TAP2: variants seen among roughly 807,000 people sequenced by gnomAD.
TAP2 encodes the protein transporter 2, ATP binding cassette subfamily B member.
A neutral mutation model predicts 74.7 loss-of-function variants in TAP2; 49 were observed. The ratio of observed to expected loss-of-function variants is 0.66; its 90% CI spans 0.52 to 0.83. The LOEUF (loss-of-function observed/expected upper bound fraction) is 0.83, where lower values mean the gene tolerates loss of function less well. Ranked by LOEUF, TAP2 falls within the 40% of genes least tolerant of loss-of-function variation. The pLI is 0.00. For synonymous variants in TAP2, 306 were observed against 368.4 expected (o/e 0.83, Z 1.94); for missense variants, 739 against 859.0 (o/e 0.86, Z 1.75).
chr6:32,824,107 A>C (rs1768486055), downstream of TAP2, among the ~76,000 whole-genome samples: 1 of 152,090 alleles, frequency 6.6e-6, no homozygotes, highest in African/African-American at 2.4e-5. Flanking sequence ...ATCCTTATTC[A>C]TTTTTCCACT....
chr6:32,834,415 C>T (rs1183668353), intron 5 of TAP2, among the ~76,000 whole-genome samples: 7 of 152,200 alleles, frequency 4.6e-5, no homozygotes, highest in Admixed American at 4.6e-4. Context: ...GTTCCACTTA[C>T]GTACCGCACC....
chr6:32,826,089 G>A lies in TAP2; in HGVS notation c.*2817C>T, dbSNP rs1053707924. On this transcript the variant is annotated 3_prime_UTR_variant, in exon 12 of 12. Transcript: ENST00000374897. ...TCAGACTCAAGCAGGTGCTCCTCTA[G>A]CTGACAGCTCTAAAACACAAGGAAG... 5 of 985,286 alleles carry A rather than the reference G, an allele frequency of 5.1e-6. No homozygotes were observed. The highest frequency in any genetic ancestry group is 6.0e-6 in the Non-Finnish European group (5 of 829,934). 61.0% of individuals were successfully genotyped at this position (985,286 alleles called of 1,614,324 possible).
chr6:32,836,534 A>T (rs1769431166), intron 3 of TAP2, among the ~76,000 whole-genome samples: 1 of 152,230 alleles, frequency 6.6e-6, no homozygotes, highest in Non-Finnish European at 1.5e-5. Context: ...TTGTATGAAC[A>T]TCATAGAGTG....
In TAP2 at chr6:32,835,288, GCA is replaced by G; in HGVS notation, c.809_810del (p.Val270AlafsTer81). On this transcript the variant is annotated frameshift_variant, in exon 5 of 12. Coordinates refer to ENST00000374897, the MANE Select transcript of TAP2 (RefSeq NM_001290043.2). LOFTEE classifies it high-confidence loss of function. The surrounding 1 kb of genome is among the most constrained non-coding windows in gnomAD (Gnocchi z 4.0). ...ACCACTTTCACCAGGCTTCGCAAGA[GCA>G]CATTGGCATTTAAAGGAAGCCAGTT... ...MSNWLPLNAN[V>X]LLRSLVKVVG... 6.2e-7 allele frequency: 1 copy of G among 1,613,100 alleles called. No individual in the cohort carries two copies. Among genetic ancestry groups the G allele is most frequent in the South Asian group, 1.1e-5 (1 of 91,086 alleles).
At position 32,827,561 on chromosome 6, in the gene TAP2, TCCTGGAAGAC is replaced by T. The variant is rs1215364122; in HGVS notation, c.*1335_*1344del. The T allele has an allele frequency of 2.9e-6, 1 of 346,060 alleles. No homozygotes were observed. Among genetic ancestry groups the T allele is most frequent in the Non-Finnish European group, 4.1e-6 (1 of 246,262 alleles). 21.4% of individuals were successfully genotyped at this position (346,060 alleles called of 1,614,324 possible). A position where few individuals can be genotyped will look rare whatever the true frequency, so the allele number is the denominator to read the frequency against. On this transcript the variant is annotated 3_prime_UTR_variant, in exon 12 of 12. Coordinates refer to ENST00000374897, the MANE Select transcript of TAP2 (RefSeq NM_001290043.2). ...CCAGACTGACGACATAAGTAAGGCC[TCCTGGAAGAC>T]CTGAACCCTGAGTTAAGTCTTGAAC...
Position 32,828,681 on chromosome 6 carries a change from A to ACCCCCCCCC in TAP2, c.*224_*225insGGGGGGGGG. 1 of 606,168 alleles carries ACCCCCCCCC rather than the reference A, an allele frequency of 1.6e-6. No individual in the cohort carries two copies. Among genetic ancestry groups the ACCCCCCCCC allele is most frequent in the Non-Finnish European group, 2.0e-6 (1 of 497,974 alleles). The allele number at this position is 606,168 out of a possible 1,614,324, so 37.5% of individuals were successfully genotyped here. ...AGTTTCCTGGACACAGACAGCCCCC[A>ACCCCCCCCC]CCCCACCCCACCCCACCTCTCTACC... is the stretch of plus-strand genomic sequence containing the variant. On this transcript the variant is annotated 3_prime_UTR_variant, in exon 12 of 12. Coordinates refer to ENST00000374897, the MANE Select transcript of TAP2 (RefSeq NM_001290043.2).
chr6:32,829,920 T>TAGA lies in TAP2; in HGVS notation c.1795+7_1795+9dup. ...ACTGAAGGAGCAAGCTTACAATTTG[T>TAGA]AGAAGATACCTGTGTATATTCCATG... On this transcript the variant is annotated intron_variant, in intron 10 of 11. Transcript: ENST00000374897. 1 of 1,613,068 alleles carries TAGA rather than the reference T, an allele frequency of 6.2e-7. No homozygotes were observed. Among genetic ancestry groups the TAGA allele is most frequent in the Non-Finnish European group, 8.5e-7 (1 of 1,180,002 alleles).
At chr6:32,831,193 A>G (rs565145207) in intron 7 of TAP2, among the ~76,000 whole-genome samples, 3 of 152,344 alleles carry the variant, frequency 2.0e-5, no homozygotes, top group South Asian at 4.1e-4. Flanking sequence ...TACACAAAAA[A>G]GATGTTTATC....
In TAP2 at chr6:32,827,434, T is replaced by C. The variant is rs545371690; in HGVS notation, c.*1472A>G. ...ATATGGCTTTCCGCCCAGGTGCTCA[T>C]GGTCTAGTGGAAGGTCAAAAAAGGT... On this transcript the variant is annotated 3_prime_UTR_variant, in exon 12 of 12. Transcript: ENST00000374897. The C allele has an allele frequency of 2.8e-5, 21 of 760,780 alleles. No individual in the cohort carries two copies. In the South Asian group the frequency reaches 1.1e-3, roughly 39 times the overall value. 47.1% of individuals were successfully genotyped at this position (760,780 alleles called of 1,614,324 possible). A position where few individuals can be genotyped will look rare whatever the true frequency, so the allele number is the denominator to read the frequency against.
At chr6:32,829,562 C>T in intron 10 of TAP2, 26 bp from the exon 11 acceptor site, 1 of 1,613,868 alleles carries the variant, frequency 6.2e-7, no homozygotes, top group Non-Finnish European at 8.5e-7. Context: ...AAATTCCCTT[C>T]CTCAGATACA....
Position 32,832,992 on chromosome 6 carries a change from G to A in TAP2, c.946-168C>T, listed in dbSNP as rs540540768. ...AAGGAATAAGAGTGAAGGAGCAAGG[G>A]AACAAAATATTATTGAGCTCTCAGT... On this transcript the variant is annotated intron_variant, in intron 5 of 11. Transcript: ENST00000374897. The surrounding 1 kb of genome is among the most constrained non-coding windows in gnomAD (Gnocchi z 5.9). 9.9e-5 allele frequency among the ~76,000 whole-genome samples: 15 copies of A among 152,194 alleles called. No homozygotes were observed. The highest frequency in any genetic ancestry group is 1.8e-4 in the Non-Finnish European group (12 of 68,036).
chr6:32,837,207 G>A (rs1284054216), intron 3 of TAP2, among the ~76,000 whole-genome samples: 1 of 152,156 alleles, frequency 6.6e-6, no homozygotes, highest in Non-Finnish European at 1.5e-5. Context: ...GTAGGAGGTA[G>A]GAGGCAGAAA....
Position 32,835,481 on chromosome 6 carries a change from A to C in TAP2, c.740-122T>G. 7.0e-7 allele frequency: 1 copy of C among 1,434,190 alleles called. No individual in the cohort carries two copies. Among genetic ancestry groups the C allele is most frequent in the Non-Finnish European group, 9.7e-7 (1 of 1,032,922 alleles). The allele number at this position is 1,434,190 out of a possible 1,614,324, so 88.8% of individuals were successfully genotyped here. A position where few individuals can be genotyped will look rare whatever the true frequency, so the allele number is the denominator to read the frequency against. On this transcript the variant is annotated intron_variant, in intron 4 of 11. Coordinates refer to ENST00000374897, the MANE Select transcript of TAP2 (RefSeq NM_001290043.2). This position sits in a 1 kb window ranked among gnomAD's most constrained non-coding sequence, Gnocchi z 4.0. ...CCTCTGAACATCCTCCTTCACTTGC[A>C]GAGGGACAGTGGAGGCTGCTTCTCC...
At position 32,837,868 on chromosome 6, in the gene TAP2, A is replaced by T; in HGVS notation, c.366T>A (p.Pro122=). 1 of 1,612,578 alleles carries T rather than the reference A, an allele frequency of 6.2e-7. No homozygotes were observed. Among genetic ancestry groups the T allele is most frequent in the Non-Finnish European group, 8.5e-7 (1 of 1,179,802 alleles). ...GGTCCTGCTCCTTCTCCTGGGCTCC[A>T]GGAGGGCTCAGAACAGCCCACAGTG... ...SWSLWAVLSP[P]GAQEKEQDQV... The change falls in exon 2 of 12, where the codon CCT becomes CCA. Residue 122 remains proline (P), a synonymous_variant. Transcript: ENST00000374897.
chr6:32,822,352 T>C (rs2127338500), downstream of TAP2: 1 of 1,352,384 alleles, frequency 7.4e-7, no homozygotes, highest in East Asian at 2.5e-5. Flanking sequence ...CCCCTTGATC[T>C]TAATGGGTGT....
In TAP2 at chr6:32,826,716, G is replaced by A. The variant is rs952994257; in HGVS notation, c.*2190C>T. The A allele has an allele frequency of 5.1e-6, 5 of 985,272 alleles. No homozygotes were observed. The highest frequency in any genetic ancestry group is 1.7e-5 in the African/African-American group (1 of 57,208). The allele number at this position is 985,272 out of a possible 1,614,324, so 61.0% of individuals were successfully genotyped here. A position where few individuals can be genotyped will look rare whatever the true frequency, so the allele number is the denominator to read the frequency against. ...ACCCAGCTTTATCATGATTAGCTGC[G>A]TGATTTCATGTCAGTTTCTCTGTAA... is the stretch of plus-strand genomic sequence containing the variant. On this transcript the variant is annotated 3_prime_UTR_variant, in exon 12 of 12. Coordinates refer to ENST00000374897, the MANE Select transcript of TAP2 (RefSeq NM_001290043.2).
At position 32,832,155 on chromosome 6, in the gene TAP2, G is replaced by C; in HGVS notation, c.1272+178C>G. 1 of 835,662 alleles carries C rather than the reference G, an allele frequency of 1.2e-6. No individual in the cohort carries two copies. The highest frequency in any genetic ancestry group is 1.9e-6 in the Non-Finnish European group (1 of 534,640). The allele number at this position is 835,662 out of a possible 1,614,324, so 51.8% of individuals were successfully genotyped here. On this transcript the variant is annotated intron_variant, in intron 7 of 11. Transcript: ENST00000374897. This position sits in a 1 kb window ranked among gnomAD's most constrained non-coding sequence, Gnocchi z 5.9. ...TAAAGCACAGGATGTATACATGTGAGTTTGTAATATTATTTTGTCTCATTT... is the reference window on the plus strand; with the variant it reads ...TAAAGCACAGGATGTATACATGTGACTTTGTAATATTATTTTGTCTCATTT...
At position 32,832,467 on chromosome 6, in the gene TAP2, A is replaced by T. The variant is rs9461814; in HGVS notation, c.1144-6T>A. 3.4e-3 allele frequency: 5,545 copies of T among 1,612,324 alleles called. 63 individuals carry two copies. Among genetic ancestry groups the T allele is most frequent in the African/African-American group, 0.029 (2,155 of 75,022 alleles). The stretch of plus-strand genomic sequence containing the variant: ...TGCACCCCCAAGTGCAGCACCTGGA[A>T]GAGGAGAAGAAAGAGATGAGGCTGG... On this transcript the variant is annotated splice_polypyrimidine_tract_variant and splice_region_variant and intron_variant, in intron 6 of 11. Transcript: ENST00000374897. This position sits in a 1 kb window ranked among gnomAD's most constrained non-coding sequence, Gnocchi z 5.9.
At position 32,837,980 on chromosome 6, in the gene TAP2, C is replaced by T. The variant is rs757477776; in HGVS notation, c.254G>A (p.Gly85Glu). 8.7e-6 allele frequency: 14 copies of T among 1,612,634 alleles called. No homozygotes were observed. In the East Asian group the frequency reaches 2.9e-4, roughly 33 times the overall value. ...TCTGGCTGGGGGAGCACGTGAGGCC[C>T]CCGCGACCAGGGCTCTCAGGGAGAC... ...LTVSLRALVA[G>E]ASRAPPARVA... Residue 85 changes from glycine (G) to glutamate (E), a missense_variant, in exon 2 of 12, where the codon GGG becomes GAG. Physicochemically the swap from Gly to Glu is moderately conservative, Grantham distance 98 (BLOSUM62 -2). Coordinates refer to ENST00000374897, the MANE Select transcript of TAP2 (RefSeq NM_001290043.2).
Sources: gnomAD v4.1 joint callset for allele counts (sites outside exome capture counted in the v4.1 genomes callset) on GRCh38, gnomAD v4.1.1 for gene constraint, Gnocchi (gnomAD v3.1) non-coding constraint, MANE v1.5 for transcripts, NCBI Gene and HGNC (gene_info 2026-07-23, HGNC 2026-07-21) for gene names.